Variants in TAFA1 observed in about 807,000 individuals in gnomAD.
The protein encoded by TAFA1 is TAFA chemokine like family member 1.
A neutral mutation model predicts 18.5 loss-of-function variants in TAFA1; 4 were observed. The observed-to-expected ratio is 0.22, with a 90% CI of 0.11 to 0.49. The LOEUF (loss-of-function observed/expected upper bound fraction) is 0.49. Ranked by LOEUF, TAFA1 falls within the 20% of genes least tolerant of loss-of-function variation. TAFA1 has a pLI of 0.98. For synonymous variants in TAFA1, 56 were observed against 55.2 expected, an observed-to-expected ratio of 1.01 and a Z score of -0.06; for missense variants, 147 against 169.0, an observed-to-expected ratio of 0.87 and a Z score of 0.72.
At chr3:68,073,929 G>T (rs1400479811) in intron 2 of TAFA1, among the ~76,000 whole-genome samples, 2 of 152,086 alleles carry the variant, frequency 1.3e-5, no homozygotes, top group African/African-American at 4.8e-5. Flanking sequence ...ATGGTTTTGG[G>T]ATGATTCAAG....
chr3:68,115,220 A>G (rs1241118743), intron 2 of TAFA1, among the ~76,000 whole-genome samples: 1 of 152,166 alleles, frequency 6.6e-6, no homozygotes, highest in Non-Finnish European at 1.5e-5. Context: ...TTAATTAGTT[A>G]GTGCACTTAT....
At chr3:68,329,993 A>G (rs1315991823) in intron 2 of TAFA1, among the ~76,000 whole-genome samples, 1 of 152,222 alleles carries the variant, frequency 6.6e-6, no homozygotes, top group African/African-American at 2.4e-5. Flanking sequence ...CATTGGATAC[A>G]CACATAAACT....
chr3:68,090,965 A>T (rs969955011), intron 2 of TAFA1, among the ~76,000 whole-genome samples: 1 of 152,190 alleles, frequency 6.6e-6, no homozygotes, highest in Non-Finnish European at 1.5e-5. Flanking sequence ...ATATTTTTTA[A>T]AACAATCCAA....
At chr3:68,048,336 A>T (rs2106695992) in intron 2 of TAFA1, among the ~76,000 whole-genome samples, 1 of 152,234 alleles carries the variant, frequency 6.6e-6, no homozygotes, top group East Asian at 1.9e-4. Context: ...GGTAAGTAGT[A>T]GGTAAATATA....
the TAFA1 span, among the ~76,000 whole-genome samples, chr3:67,992,955 G>A: frequency 1.4e-4 from 22 of 152,336 alleles, no homozygotes; most frequent in African/African-American, 4.3e-4. Flanking sequence ...GGGAATTCCC[G>A]AGTGGTCAGG....
At position 68,119,004 on chromosome 3, in the gene TAFA1, GAC is replaced by G. The variant is rs1462636470; in HGVS notation, c.118+112264_118+112265del. ...TCATCCCCACCAACAGTGTACAAAT[GAC>G]ACAATTTTTCCACATCCTTGCCAAA... On this transcript the variant is annotated intron_variant, in intron 2 of 4. Coordinates refer to ENST00000478136, the MANE Select transcript of TAFA1 (RefSeq NM_213609.4). 2.0e-5 allele frequency among the ~76,000 whole-genome samples: 3 copies of G among 151,522 alleles called. No individual in the cohort carries two copies. In the East Asian group the frequency reaches 5.8e-4, roughly 29 times the overall value.
intron 3 of TAFA1, among the ~76,000 whole-genome samples, 163 bp from the exon 4 acceptor site, chr3:68,538,590 TAAA>T (rs2073314165): frequency 6.6e-6 from 1 of 152,214 alleles, no homozygotes; most frequent in African/African-American, 2.4e-5. Flanking sequence ...ATAAGGCATA[TAAA>T]TTAAAATCTT....
intron 2 of TAFA1, among the ~76,000 whole-genome samples, chr3:68,170,264 C>T (rs1415870694): frequency 1.3e-5 from 2 of 152,106 alleles, no homozygotes; most frequent in East Asian, 1.9e-4. Flanking sequence ...TTTTGGGGCT[C>T]CCCAAAAGCC....
intron 2 of TAFA1, among the ~76,000 whole-genome samples, chr3:68,244,602 C>A (rs1207550265): frequency 1.3e-5 from 2 of 152,128 alleles, no homozygotes; most frequent in Non-Finnish European, 2.9e-5. Context: ...TCTCAAACTC[C>A]TGGCCTCAAG....
chr3:68,201,098 A>C (rs1446988360), intron 2 of TAFA1, among the ~76,000 whole-genome samples: 1 of 151,570 alleles, frequency 6.6e-6, no homozygotes, highest in Non-Finnish European at 1.5e-5. Flanking sequence ...TTTAGTTCAA[A>C]ATATTTTAAA....
At chr3:68,496,515 G>T (rs1288405208) in intron 3 of TAFA1, among the ~76,000 whole-genome samples, 1 of 152,118 alleles carries the variant, frequency 6.6e-6, no homozygotes, top group African/African-American at 2.4e-5. Flanking sequence ...GGGCTTTCAG[G>T]CAACAGCAGC....
chr3:68,494,084 A>G (rs1180461974), intron 3 of TAFA1, among the ~76,000 whole-genome samples: 4 of 152,168 alleles, frequency 2.6e-5, no homozygotes, highest in Admixed American at 6.5e-5. Context: ...GTTAAACATA[A>G]CACCACACCT....
At chr3:68,257,699 TG>T (rs1002360268) in intron 2 of TAFA1, among the ~76,000 whole-genome samples, 1 of 152,162 alleles carries the variant, frequency 6.6e-6, no homozygotes, top group Non-Finnish European at 1.5e-5. Flanking sequence ...CTCTAAAAAG[TG>T]GCCAACCTTC....
At position 68,029,458 on chromosome 3, in the gene TAFA1, T is replaced by C. The variant is rs958170149; in HGVS notation, c.118+22714T>C. Among the ~76,000 whole-genome samples, 3 of 152,344 alleles carry C rather than the reference T, an allele frequency of 2.0e-5. No individual in the cohort carries two copies. The South Asian group carries it at 6.2e-4, about 32-fold the overall frequency. On this transcript the variant is annotated intron_variant, in intron 2 of 4. Transcript: ENST00000478136. ...TAAACATTGATTAACATACTTGAGT[T>C]GTTTCAACCTTATTTAAAACTGTTC...
intron 3 of TAFA1, among the ~76,000 whole-genome samples, chr3:68,532,986 C>T (rs1035021816): frequency 6.6e-6 from 1 of 150,834 alleles, no homozygotes; most frequent in African/African-American, 2.4e-5. Context: ...GAAAAAGAGA[C>T]ACCAGTCACC....
chr3:68,389,928 G>A (rs1051397488), intron 2 of TAFA1, among the ~76,000 whole-genome samples: 1 of 152,130 alleles, frequency 6.6e-6, no homozygotes, highest in Non-Finnish European at 1.5e-5. Context: ...ACAAAATTGG[G>A]CAGCCATATG....
At chr3:68,212,463 T>C (rs1432057718) in intron 2 of TAFA1, among the ~76,000 whole-genome samples, 1 of 151,994 alleles carries the variant, frequency 6.6e-6, no homozygotes, top group African/African-American at 2.4e-5. Context: ...GCTGCTATTA[T>C]CTTTGTTCCC....
At chr3:68,300,282 A>C (rs1017537676) in intron 2 of TAFA1, among the ~76,000 whole-genome samples, 1 of 152,220 alleles carries the variant, frequency 6.6e-6, no homozygotes, top group African/African-American at 2.4e-5. Flanking sequence ...ATGGAGTCAA[A>C]GGAGATCATT....
chr3:68,387,385 T>C (rs1392040977), intron 2 of TAFA1, among the ~76,000 whole-genome samples: 3 of 152,148 alleles, frequency 2.0e-5, no homozygotes, highest in Non-Finnish European at 2.9e-5. Flanking sequence ...CTTAAGGTCA[T>C]TGATTAAACG....
Sources: gnomAD v4.1 joint callset for allele counts (sites outside exome capture counted in the v4.1 genomes callset) on GRCh38, gnomAD v4.1.1 for gene constraint, MANE v1.5 for transcripts, NCBI Gene and HGNC (gene_info 2026-07-23, HGNC 2026-07-21) for gene names.